Variants in LHFPL3 observed in about 807,000 individuals in gnomAD.
LHFPL3 encodes LHFPL tetraspan subfamily member 3 protein.
In LHFPL3, 5 loss-of-function variants were observed where a neutral mutation model predicts 19.3. That is an observed-to-expected ratio of 0.26 (90% CI 0.14 to 0.54). The LOEUF is 0.54. Ranked by LOEUF, LHFPL3 falls within the 20% of genes least tolerant of loss-of-function variation. The pLI, the probability that LHFPL3 is intolerant of heterozygous loss-of-function variation, is 0.94. For missense variants in LHFPL3, 249 were observed against 307.4 expected (o/e 0.81, Z 1.42); for synonymous variants, 133 against 126.2 (o/e 1.05, Z -0.36).
At chr7:104,821,130 T>A (rs1790668545) in intron 2 of LHFPL3, among the ~76,000 whole-genome samples, 1 of 152,176 alleles carries the variant, frequency 6.6e-6, no homozygotes, top group Non-Finnish European at 1.5e-5. Flanking sequence ...TTAAAAAAAA[T>A]GTCGTTATGT....
chr7:104,405,727 T>C (rs765125353), intron 1 of LHFPL3, among the ~76,000 whole-genome samples: 1 of 152,178 alleles, frequency 6.6e-6, no homozygotes, highest in Non-Finnish European at 1.5e-5. Flanking sequence ...TTGGCAACAT[T>C]GTAACTCTAA....
intron 1 of LHFPL3, among the ~76,000 whole-genome samples, chr7:104,666,547 A>C (rs1792353692): frequency 7.2e-5 from 2 of 27,868 alleles, no homozygotes; most frequent in South Asian, 2.8e-3. Flanking sequence ...TTTGAGACGG[A>C]GTCTCGCTCT....
chr7:104,364,987 C>T (rs1024824231), intron 1 of LHFPL3, among the ~76,000 whole-genome samples: 4 of 152,062 alleles, frequency 2.6e-5, no homozygotes, highest in African/African-American at 9.7e-5. Context: ...AGGATTTCTA[C>T]CATTTAAAGG....
chr7:104,513,187 T>A (rs1352137024), intron 1 of LHFPL3, among the ~76,000 whole-genome samples: 1 of 152,224 alleles, frequency 6.6e-6, no homozygotes, highest in Non-Finnish European at 1.5e-5. Context: ...TATATTACAG[T>A]TATAAGAAGA....
rs563121669 is a variant in LHFPL3, at chr7:104,342,042, A to G, written c.445+12818A>G. Among the ~76,000 whole-genome samples, 3 of 152,238 alleles carry G rather than the reference A, an allele frequency of 2.0e-5. No individual in the cohort carries two copies. In the East Asian group the frequency reaches 5.8e-4, roughly 29 times the overall value. ...GAAATTACTCTCTATAATCTATCTG[A>G]CCTTTGGAGAAGCTGCTGTGACTTC... is the stretch of plus-strand genomic sequence containing the variant. On this transcript the variant is annotated intron_variant, in intron 1 of 2. Transcript: ENST00000424859.
intron 1 of LHFPL3, among the ~76,000 whole-genome samples, chr7:104,523,107 T>C (rs375287683): frequency 7.6e-6 from 1 of 131,382 alleles, no homozygotes; most frequent in Non-Finnish European, 1.7e-5. Context: ...TACAGACATA[T>C]GTGTATTTTC....
Position 104,366,197 on chromosome 7 carries a change from C to CT in LHFPL3, c.445+36974dup, listed in dbSNP as rs1178438681. 2.0e-5 allele frequency among the ~76,000 whole-genome samples: 3 copies of CT among 152,126 alleles called. No homozygotes were observed. The East Asian group carries it at 5.8e-4, about 29-fold the overall frequency. On this transcript the variant is annotated intron_variant, in intron 1 of 2. Coordinates refer to ENST00000424859, the MANE Select transcript of LHFPL3 (RefSeq NM_199000.3). The stretch of plus-strand genomic sequence containing the variant: ...GGAAGTTTTGGACACTCAGAGAACA[C>CT]TGAGGGTAAAACAGTGCTCAATAAA...
At chr7:104,612,430 G>GCAAAA (rs533621071) in intron 1 of LHFPL3, among the ~76,000 whole-genome samples, 9 of 151,930 alleles carry the variant, frequency 5.9e-5, no homozygotes, top group African/African-American at 1.5e-4. Context: ...CATCCAAGAG[G>GCAAAA]CAAAACAAAA....
intron 1 of LHFPL3, among the ~76,000 whole-genome samples, chr7:104,461,815 G>A (rs1792669960): frequency 6.6e-6 from 1 of 152,096 alleles, no homozygotes; most frequent in Admixed American, 6.5e-5. Flanking sequence ...AATAGGAATA[G>A]CACTGAATCT....
intron 1 of LHFPL3, among the ~76,000 whole-genome samples, chr7:104,502,502 A>G (rs1277542593): frequency 6.6e-6 from 1 of 152,226 alleles, no homozygotes; most frequent in East Asian, 1.9e-4. Flanking sequence ...CATGTTGGCT[A>G]AGCCATCTGG....
chr7:104,883,190 AG>A (rs1792087871), intron 2 of LHFPL3, among the ~76,000 whole-genome samples: 1 of 152,236 alleles, frequency 6.6e-6, no homozygotes, highest in African/African-American at 2.4e-5. Flanking sequence ...GAGCTCCCAA[AG>A]CATTTTCTAA....
At chr7:104,737,968 G>A (rs921945362) in intron 2 of LHFPL3, among the ~76,000 whole-genome samples, 1 of 151,958 alleles carries the variant, frequency 6.6e-6, no homozygotes, top group African/African-American at 2.4e-5. Context: ...TTTATATCTA[G>A]ACCATCACTG....
intron 1 of LHFPL3, among the ~76,000 whole-genome samples, chr7:104,581,679 G>A: frequency 6.6e-6 from 1 of 151,982 alleles, no homozygotes; most frequent in East Asian, 1.9e-4. Context: ...TTTTTTATAT[G>A]TTGAAGTTTA....
chr7:104,875,345 C>T (rs1791917829), intron 2 of LHFPL3, among the ~76,000 whole-genome samples: 1 of 152,180 alleles, frequency 6.6e-6, no homozygotes, highest in South Asian at 2.1e-4. Flanking sequence ...TCCAAATCCT[C>T]ACACCCTCCA....
At chr7:104,541,103 GACACACACACACACACACACACACACAC>G (rs58831498) in intron 1 of LHFPL3, among the ~76,000 whole-genome samples, 1 of 134,544 alleles carries the variant, frequency 7.4e-6, no homozygotes, top group East Asian at 2.2e-4. Flanking sequence ...TCCTCCCCAT[GACACACACACACACACACACACACACAC>G]ACACACACAC....
At chr7:104,689,969 G>C (rs1192878422) in intron 1 of LHFPL3, among the ~76,000 whole-genome samples, 2 of 152,116 alleles carry the variant, frequency 1.3e-5, no homozygotes, top group African/African-American at 2.4e-5. Flanking sequence ...TATTGTGATG[G>C]GAAAGGCCAA....
intron 1 of LHFPL3, among the ~76,000 whole-genome samples, chr7:104,414,754 G>A (rs953120218): frequency 6.6e-6 from 1 of 152,138 alleles, no homozygotes; most frequent in Non-Finnish European, 1.5e-5. Context: ...ATTCAATTTC[G>A]TGCTGCCAAC....
intron 1 of LHFPL3, among the ~76,000 whole-genome samples, chr7:104,342,056 TG>T (rs1196414368): frequency 6.6e-6 from 1 of 152,232 alleles, no homozygotes; most frequent in African/African-American, 2.4e-5. Flanking sequence ...TTGGAGAAGC[TG>T]CTGTGACTTC....
chr7:104,477,118 T>G (rs181214981), intron 1 of LHFPL3, among the ~76,000 whole-genome samples: 14 of 152,252 alleles, frequency 9.2e-5, no homozygotes, highest in African/African-American at 3.4e-4. Context: ...GCCTCCCAAG[T>G]AGCTGAGACC....
Sources: gnomAD v4.1 joint callset for allele counts (sites outside exome capture counted in the v4.1 genomes callset) on GRCh38, gnomAD v4.1.1 for gene constraint, MANE v1.5 for transcripts, NCBI Gene and HGNC (gene_info 2026-07-23, HGNC 2026-07-21) for gene names.